ENTREP2: variants seen among roughly 807,000 people sequenced by gnomAD.
The protein encoded by ENTREP2 is endosomal transmembrane epsin interactor 2, also known as protein ENTREP2.
At chr15:29,517,060 C>A in the ENTREP2 span, among the ~76,000 whole-genome samples, 3 of 150,296 alleles carry the variant, frequency 2.0e-5, no homozygotes, top group Admixed American at 6.6e-5. Context: ...TTAGTAAAGG[C>A]AGCATGGCAG....
At chr15:29,136,855 T>C in the ENTREP2 span, among the ~76,000 whole-genome samples, 1 of 152,206 alleles carries the variant, frequency 6.6e-6, no homozygotes, top group Non-Finnish European at 1.5e-5. Context: ...TGCCTCCGGC[T>C]TCTTTCGGGT....
chr15:29,126,846 C>G, the ENTREP2 span, among the ~76,000 whole-genome samples: 1 of 152,160 alleles, frequency 6.6e-6, no homozygotes, highest in Non-Finnish European at 1.5e-5. Flanking sequence ...CCCACCAGGT[C>G]GCGGCAGGCC....
the ENTREP2 span, among the ~76,000 whole-genome samples, chr15:29,553,351 T>A: frequency 3.9e-5 from 6 of 152,112 alleles, no homozygotes; most frequent in Admixed American, 3.9e-4. Context: ...CTAAATCAAT[T>A]CATAAATTTA....
chr15:29,532,126 G>A, the ENTREP2 span, among the ~76,000 whole-genome samples: 3 of 151,912 alleles, frequency 2.0e-5, no homozygotes, highest in East Asian at 3.9e-4. Context: ...TCCTCCTATC[G>A]AACTGAAATT....
the ENTREP2 span, among the ~76,000 whole-genome samples, chr15:29,399,498 T>C: frequency 6.6e-6 from 1 of 152,232 alleles, no homozygotes; most frequent in Admixed American, 6.5e-5. Flanking sequence ...CCCAAAGGAA[T>C]TGATTCAGAA....
chr15:29,377,572 C>A, the ENTREP2 span, among the ~76,000 whole-genome samples: 1 of 152,036 alleles, frequency 6.6e-6, no homozygotes, highest in African/African-American at 2.4e-5. Flanking sequence ...ACCTGTAATT[C>A]CAGCACTTTG....
the ENTREP2 span, among the ~76,000 whole-genome samples, chr15:29,193,105 T>C: frequency 1.3e-5 from 2 of 152,116 alleles, no homozygotes; most frequent in South Asian, 4.1e-4. Flanking sequence ...GTCTAGTCAG[T>C]GTAATAAAAC....
chr15:29,657,215 C>CTTT, the ENTREP2 span, among the ~76,000 whole-genome samples: 1,761 of 146,638 alleles, frequency 0.012, 40 homozygotes, highest in African/African-American at 0.042. Flanking sequence ...GCCGCGCCAG[C>CTTT]TTTTTTTTTT....
the ENTREP2 span, among the ~76,000 whole-genome samples, chr15:29,653,462 C>T: frequency 3.3e-5 from 5 of 152,352 alleles, no homozygotes; most frequent in East Asian, 7.7e-4. Context: ...AATCCCCACA[C>T]ATCAAGGGAG....
At chr15:29,467,083 G>A in the ENTREP2 span, among the ~76,000 whole-genome samples, 1 of 151,628 alleles carries the variant, frequency 6.6e-6, no homozygotes, top group Admixed American at 6.6e-5. Flanking sequence ...ATGGCCCCAG[G>A]GGAGGGCCCA....
chr15:29,635,149 G>C, the ENTREP2 span, among the ~76,000 whole-genome samples: 3,150 of 152,188 alleles, frequency 0.021, 122 homozygotes, highest in African/African-American at 0.072. Flanking sequence ...GGCCTCCTTA[G>C]GGTTTTTATG....
the ENTREP2 span, among the ~76,000 whole-genome samples, chr15:29,312,181 G>A: frequency 6.6e-6 from 1 of 152,088 alleles, no homozygotes; most frequent in Non-Finnish European, 1.5e-5. Context: ...CTTTAACACT[G>A]GGTCTGAAGT....
the ENTREP2 span, among the ~76,000 whole-genome samples, chr15:29,572,947 T>C: frequency 6.6e-6 from 1 of 151,726 alleles, no homozygotes; most frequent in Non-Finnish European, 1.5e-5. Context: ...TCAGAGGCTG[T>C]TACTGTCAGC....
At chr15:29,493,567 T>C in the ENTREP2 span, among the ~76,000 whole-genome samples, 3 of 150,076 alleles carry the variant, frequency 2.0e-5, no homozygotes, top group African/African-American at 7.5e-5. Context: ...CAGTGAGCTA[T>C]GATAACACCA....
At chr15:29,655,926 G>A in the ENTREP2 span, among the ~76,000 whole-genome samples, 1 of 150,826 alleles carries the variant, frequency 6.6e-6, no homozygotes. Flanking sequence ...TCAGGATGCT[G>A]AGGCATGAGA....
the ENTREP2 span, among the ~76,000 whole-genome samples, chr15:29,261,320 G>T: frequency 6.6e-6 from 1 of 152,204 alleles, no homozygotes; most frequent in Admixed American, 6.5e-5. Context: ...GGAGGCTGCC[G>T]TGAGCTATGA....
chr15:29,175,721 C>T, the ENTREP2 span, among the ~76,000 whole-genome samples: 1 of 152,370 alleles, frequency 6.6e-6, no homozygotes, highest in East Asian at 1.9e-4. Flanking sequence ...TCTCCTGCCT[C>T]AGCCTGCTGA....
At chr15:29,659,923 C>T in the ENTREP2 span, among the ~76,000 whole-genome samples, 3 of 151,942 alleles carry the variant, frequency 2.0e-5, no homozygotes, top group African/African-American at 2.4e-5. Flanking sequence ...CTCGGCCTCC[C>T]GAGTAGCTGG....
chr15:29,220,290 C>G, the ENTREP2 span, among the ~76,000 whole-genome samples: 1 of 152,310 alleles, frequency 6.6e-6, no homozygotes, highest in East Asian at 1.9e-4. Flanking sequence ...TTCAGAGAAA[C>G]CAGGATCAGA....
Sources: gnomAD v4.1 joint callset for allele counts (sites outside exome capture counted in the v4.1 genomes callset) on GRCh38, gnomAD v4.1.1 for gene constraint, MANE v1.5 for transcripts, NCBI Gene and HGNC (gene_info 2026-07-23, HGNC 2026-07-21) for gene names.